The following CDC42BPA variants were observed in gnomAD, a reference collection of about 807,000 sequenced individuals.
The protein encoded by CDC42BPA is serine/threonine-protein kinase MRCK alpha.
A neutral mutation model predicts 223.5 loss-of-function variants in CDC42BPA; 80 were observed. The observed-to-expected ratio is 0.36, with a 90% CI of 0.30 to 0.43. The LOEUF is 0.43. Among genes scored for constraint, CDC42BPA ranks in the 20% least tolerant of loss-of-function variants. The probability of loss-of-function intolerance (pLI) is 1.00; values close to 1 mark genes in which losing one functional copy is unlikely to be tolerated. For synonymous variants in CDC42BPA, 694 were observed against 718.6 expected, an observed-to-expected ratio of 0.97 and a Z score of 0.55; for missense variants, 1,743 against 2,099.9, an observed-to-expected ratio of 0.83 and a Z score of 3.32.
intron 2 of CDC42BPA, among the ~76,000 whole-genome samples, chr1:227,230,844 CAG>C (rs1357667474): frequency 1.3e-5 from 1 of 79,150 alleles, no homozygotes; most frequent in African/African-American, 4.7e-5. Flanking sequence ...TTTTTTGAGA[CAG>C]AGTCTTGCTC....
At chr1:227,230,046 C>T (rs374764055) in intron 2 of CDC42BPA, among the ~76,000 whole-genome samples, 2 of 152,116 alleles carry the variant, frequency 1.3e-5, no homozygotes, top group African/African-American at 4.8e-5. Flanking sequence ...CTTCAAGGAT[C>T]GAAACTGAAT....
chr1:227,127,294 A>C (rs1656023048), intron 11 of CDC42BPA, among the ~76,000 whole-genome samples: 1 of 152,208 alleles, frequency 6.6e-6, no homozygotes, highest in African/African-American at 2.4e-5. Context: ...TAATATTTAA[A>C]AATTCAGCTC....
chr1:227,280,817 CAAG>C (rs1687899873), intron 1 of CDC42BPA, among the ~76,000 whole-genome samples: 1 of 152,198 alleles, frequency 6.6e-6, no homozygotes, highest in African/African-American at 2.4e-5. Context: ...CTGCAGTATG[CAAG>C]AAGGATTGTT....
At chr1:227,039,111 C>T (rs1670872308) in intron 24 of CDC42BPA, among the ~76,000 whole-genome samples, 1 of 152,090 alleles carries the variant, frequency 6.6e-6, no homozygotes, top group African/African-American at 2.4e-5. Flanking sequence ...ATTAGGCATC[C>T]ACCTTACAGT....
intron 4 of CDC42BPA, among the ~76,000 whole-genome samples, chr1:227,197,367 C>T (rs1670928470): frequency 6.6e-6 from 1 of 152,036 alleles, no homozygotes; most frequent in Admixed American, 6.6e-5. Context: ...ATGATGAAGG[C>T]TCCCCTAAAG....
intron 17 of CDC42BPA, among the ~76,000 whole-genome samples, chr1:227,075,951 G>A (rs1679378116): frequency 6.6e-6 from 1 of 152,116 alleles, no homozygotes; most frequent in South Asian, 2.1e-4. Flanking sequence ...AATTTTATAT[G>A]ACAATCTCTT....
chr1:227,285,426 G>C (rs1219307349), intron 1 of CDC42BPA, among the ~76,000 whole-genome samples: 2 of 152,094 alleles, frequency 1.3e-5, no homozygotes, highest in Non-Finnish European at 2.9e-5. Flanking sequence ...ACCACAAATT[G>C]CCTATGAAAA....
At chr1:227,170,905 A>C (rs555485569) in intron 5 of CDC42BPA, among the ~76,000 whole-genome samples, 3 of 152,324 alleles carry the variant, frequency 2.0e-5, no homozygotes, top group Admixed American at 6.5e-5. Context: ...GGAGAACATA[A>C]TGTGTTACAC....
At chr1:227,037,878 G>C (rs1053947859) in intron 24 of CDC42BPA, among the ~76,000 whole-genome samples, 5 of 152,082 alleles carry the variant, frequency 3.3e-5, no homozygotes, top group Admixed American at 3.3e-4. Context: ...TCTAGTTTGA[G>C]GCACTAAGAA....
At chr1:227,165,783 G>A (rs891955842) in intron 5 of CDC42BPA, among the ~76,000 whole-genome samples, 5 of 152,114 alleles carry the variant, frequency 3.3e-5, no homozygotes, top group African/African-American at 9.7e-5. Flanking sequence ...AGAGATATGG[G>A]GCTAAATAAC....
In CDC42BPA at chr1:226,990,376, G is replaced by A. The variant is rs1660590376; in HGVS notation, c.*3892C>T. The A allele has an allele frequency of 6.6e-6, 1 of 152,240 alleles. No individual in the cohort carries two copies. The highest frequency in any genetic ancestry group is 2.4e-5 in the African/African-American group (1 of 41,448). The allele number at this position is 152,240 out of a possible 1,614,324, so 9.4% of individuals were successfully genotyped here. On this transcript the variant is annotated 3_prime_UTR_variant, in exon 37 of 37. Transcript: ENST00000366766. ...CAGGGCTTACACTCCTTATCTAGCAGAAGTGCACAGAGAACTCTGGACTTG... is the reference window on the plus strand; with the variant it reads ...CAGGGCTTACACTCCTTATCTAGCAAAAGTGCACAGAGAACTCTGGACTTG...
chr1:227,255,623 C>T (rs75053784), intron 1 of CDC42BPA, among the ~76,000 whole-genome samples: 9,101 of 152,232 alleles, frequency 0.06, 274 homozygotes, highest in Non-Finnish European at 0.072. Flanking sequence ...CACTGCACTC[C>T]TGCCTGGGCA....
intron 4 of CDC42BPA, 26 bp from the exon 5 acceptor site, chr1:227,193,960 C>T (rs770731528): frequency 1.9e-6 from 3 of 1,554,684 alleles, no homozygotes; most frequent in Non-Finnish European, 2.6e-6. Context: ...ATAAAATGTA[C>T]TCAGTAAACT....
At chr1:227,177,811 G>A (rs1342320597) in intron 5 of CDC42BPA, among the ~76,000 whole-genome samples, 1 of 152,066 alleles carries the variant, frequency 6.6e-6, no homozygotes, top group Non-Finnish European at 1.5e-5. Flanking sequence ...TTTCATTCCT[G>A]AGAATCTGCT....
intron 1 of CDC42BPA, among the ~76,000 whole-genome samples, chr1:227,313,341 T>C (rs1405408043): frequency 6.6e-6 from 1 of 152,190 alleles, no homozygotes; most frequent in Non-Finnish European, 1.5e-5. Flanking sequence ...TGAATGCCAG[T>C]AACCAGTATC....
In CDC42BPA at chr1:226,992,848, G is replaced by A. The variant is rs906184356; in HGVS notation, c.*1420C>T. 5.9e-5 allele frequency: 9 copies of A among 152,202 alleles called. No individual in the cohort carries two copies. Among genetic ancestry groups the A allele is most frequent in the African/African-American group, 2.2e-4 (9 of 41,442 alleles). The allele number at this position is 152,202 out of a possible 1,614,324, so 9.4% of individuals were successfully genotyped here. On this transcript the variant is annotated 3_prime_UTR_variant, in exon 37 of 37. Transcript: ENST00000366766. ...TTCCTTATGGCAACTACAACAGGAGGAATCCAGCTGGAAATGCCACTAACC... is the reference window on the plus strand; with the variant it reads ...TTCCTTATGGCAACTACAACAGGAGAAATCCAGCTGGAAATGCCACTAACC...
At chr1:227,310,110 G>T (rs563068427) in intron 1 of CDC42BPA, among the ~76,000 whole-genome samples, 2 of 152,222 alleles carry the variant, frequency 1.3e-5, no homozygotes, top group African/African-American at 4.8e-5. Context: ...TATACTGGAA[G>T]AACATTTCCC....
intron 1 of CDC42BPA, among the ~76,000 whole-genome samples, chr1:227,275,938 A>G (rs1204884616): frequency 2.2e-5 from 3 of 138,878 alleles, no homozygotes; most frequent in Non-Finnish European, 4.7e-5. Context: ...CAGTGGCCTG[A>G]TCTCGGCTCG....
intron 14 of CDC42BPA, among the ~76,000 whole-genome samples, chr1:227,110,011 A>G (rs1286496198): frequency 6.6e-6 from 1 of 152,068 alleles, no homozygotes; most frequent in Non-Finnish European, 1.5e-5. Context: ...GCACCCATCT[A>G]ATTTTCTTCC....
Sources: allele counts gnomAD v4.1 joint callset (sites outside exome capture counted in the v4.1 genomes callset), GRCh38; gene constraint gnomAD v4.1.1; transcripts MANE v1.5; gene names NCBI Gene and HGNC (gene_info 2026-07-23, HGNC 2026-07-21).